Variants in REST observed in about 807,000 individuals in gnomAD.
REST encodes the protein RE1-silencing transcription factor.
REST carries 1 observed loss-of-function variant against 30.4 expected under a neutral mutation model. The ratio of observed to expected loss-of-function variants is 0.03; its 90% CI spans 0.01 to 0.16. REST has a LOEUF of 0.16. Ranked by LOEUF, REST falls within the 10% of genes least tolerant of loss-of-function variation. The probability of loss-of-function intolerance (pLI) is 1.00; values close to 1 mark genes in which losing one functional copy is unlikely to be tolerated. For synonymous variants in REST, 504 were observed against 451.1 expected (o/e 1.12, Z -1.49); for missense variants, 1,259 against 1,329.5 (o/e 0.95, Z 0.82).
Position 56,914,979 on chromosome 4 carries a change from C to G in REST, c.898+3443C>G, listed in dbSNP as rs559180967. 2.2e-3 allele frequency among the ~76,000 whole-genome samples: 282 copies of G among 131,078 alleles called. 2 individuals are homozygous for G. The highest frequency in any genetic ancestry group is 7.6e-3 in the African/African-American group (257 of 34,002). The allele number at this position is 131,078 out of a possible 152,430, so 86.0% of individuals were successfully genotyped here. ...TACTCTTGTCGCCCAGGGTGGAGTG[C>G]AATGGTGCAATCTCGGCTCACTGCA... On this transcript the variant is annotated intron_variant, in intron 2 of 3. Coordinates refer to ENST00000309042, the MANE Select transcript of REST (RefSeq NM_005612.5).
intron 3 of REST, among the ~76,000 whole-genome samples, chr4:56,921,249 AT>A (rs1720438682): frequency 6.6e-6 from 1 of 152,196 alleles, no homozygotes; most frequent in Non-Finnish European, 1.5e-5. Flanking sequence ...ACAAAAGCCT[AT>A]GTAGAACCAT....
intron 2 of REST, among the ~76,000 whole-genome samples, chr4:56,917,731 A>G (rs1404207808): frequency 1.3e-5 from 2 of 152,184 alleles, no homozygotes; most frequent in Non-Finnish European, 2.9e-5. Flanking sequence ...TGGAGACTAT[A>G]TTAAAACAAA....
rs767983452 is a variant in REST, at chr4:56,930,489, A to G, written c.1631A>G (p.Lys544Arg). ...VNDEESSTKK[K>R]KKVESKSKNN... ...GATGAGGAATCTTCAACAAAAAAGA[A>G]AAAGAAGGTAGAAAGCAAATCCAAA... Residue 544 changes from lysine to arginine, a missense_variant, in exon 4 of 4, where the codon AAA becomes AGA. Transcript: ENST00000309042. 6.2e-7 allele frequency: 1 copy of G among 1,612,210 alleles called. No homozygotes were observed.
intron 2 of REST, among the ~76,000 whole-genome samples, chr4:56,914,506 C>T (rs1720086688): frequency 6.6e-6 from 1 of 152,088 alleles, no homozygotes; most frequent in South Asian, 2.1e-4. Flanking sequence ...AAGTAAAGGT[C>T]AAGCATTACA....
intron 2 of REST, among the ~76,000 whole-genome samples, chr4:56,911,812 C>T (rs973288347): frequency 1.3e-5 from 2 of 152,184 alleles, no homozygotes; most frequent in Non-Finnish European, 2.9e-5. Context: ...CATATCCTAA[C>T]TTGGGGTTTA....
intron 2 of REST, among the ~76,000 whole-genome samples, chr4:56,914,280 T>TA (rs1720075528): frequency 1.3e-5 from 2 of 152,320 alleles, no homozygotes; most frequent in South Asian, 2.1e-4. Context: ...CCCAGATACT[T>TA]AAAACTATTA....
intron 2 of REST, among the ~76,000 whole-genome samples, chr4:56,915,886 C>T (rs1056944542): frequency 6.6e-6 from 1 of 152,182 alleles, no homozygotes; most frequent in Non-Finnish European, 1.5e-5. Context: ...CATGTTTACA[C>T]AGGGGAAAAC....
rs1164834053 is a variant in REST at position 56,911,368 on chromosome 4, A to G, written c.730A>G (p.Asn244Asp). Reference sequence around the variant, plus strand: ...GAAACACCACACCAGAGCTGGGGATAATGAGCGAGTCTACAAGTGTATCAT... The same window carrying G: ...GAAACACCACACCAGAGCTGGGGATGATGAGCGAGTCTACAAGTGTATCAT... ...HLKHHTRAGD[N>D]ERVYKCIICT... The change falls in exon 2 of 4, where the codon AAT (asparagine) becomes GAT (aspartate). Residue 244 changes from asparagine to aspartate, a missense_variant. Physicochemically the swap from Asn to Asp is conservative, Grantham distance 23. Around this residue, in one of 5 missense-constraint regions of REST, gnomAD observed 125 missense variants for 255.4 expected, o/e 0.49. Coordinates refer to ENST00000309042, the MANE Select transcript of REST (RefSeq NM_005612.5). The G allele has an allele frequency of 1.2e-6, 2 of 1,614,234 alleles. No homozygotes were observed. The highest frequency in any genetic ancestry group is 1.7e-6 in the Non-Finnish European group (2 of 1,180,042).
intron 2 of REST, among the ~76,000 whole-genome samples, chr4:56,912,754 C>T (rs987968140): frequency 2.0e-5 from 3 of 147,112 alleles, no homozygotes; most frequent in African/African-American, 5.0e-5. Flanking sequence ...CCTCGTGATC[C>T]GCCCACCTCA....
chr4:56,921,893 T>C (rs1448801827), intron 3 of REST, among the ~76,000 whole-genome samples: 1 of 152,236 alleles, frequency 6.6e-6, no homozygotes, highest in Non-Finnish European at 1.5e-5. Flanking sequence ...GTATGACTAC[T>C]AGAAAATTTA....
intron 2 of REST, among the ~76,000 whole-genome samples, chr4:56,916,845 T>C (rs1387036523): frequency 6.6e-6 from 1 of 152,194 alleles, no homozygotes; most frequent in Admixed American, 6.5e-5. Context: ...TTAAGTTTTG[T>C]GTGGACGTAT....
intron 3 of REST, among the ~76,000 whole-genome samples, chr4:56,924,700 C>T (rs1413999843): frequency 2.0e-5 from 3 of 151,676 alleles, no homozygotes; most frequent in Non-Finnish European, 4.4e-5. Context: ...TGGGCTCAAG[C>T]GATCCACTTG....
intron 1 of REST, among the ~76,000 whole-genome samples, chr4:56,910,421 A>G (rs752593375): frequency 2.6e-5 from 4 of 152,258 alleles, no homozygotes; most frequent in Admixed American, 6.5e-5. Flanking sequence ...TTATAGGGAT[A>G]GTAGAAATTT....
intron 2 of REST, among the ~76,000 whole-genome samples, chr4:56,912,549 C>G (rs1224682909): frequency 6.6e-6 from 1 of 150,906 alleles, no homozygotes; most frequent in African/African-American, 2.4e-5. Context: ...GAGTCTGGCT[C>G]TGTTGTCGAG....
At chr4:56,929,643 CTG>C (rs528578144) in intron 3 of REST, among the ~76,000 whole-genome samples, 196 bp from the exon 4 acceptor site, 3 of 152,192 alleles carry the variant, frequency 2.0e-5, no homozygotes, top group African/African-American at 4.8e-5. Flanking sequence ...TTGTGGTTAA[CTG>C]AGATTTATTC....
At chr4:56,915,627 T>C (rs1271387577) in intron 2 of REST, among the ~76,000 whole-genome samples, 3 of 152,174 alleles carry the variant, frequency 2.0e-5, no homozygotes, top group African/African-American at 7.2e-5. Context: ...AAAGTATCTC[T>C]GGTATTAAAT....
Position 56,932,120 on chromosome 4 carries a change from T to C in REST, c.3262T>C (p.Tyr1088His). The C allele has an allele frequency of 1.9e-6, 3 of 1,611,316 alleles. No individual in the cohort carries two copies. Among genetic ancestry groups the C allele is most frequent in the Non-Finnish European group, 2.5e-6 (3 of 1,177,926 alleles). Residue 1088 changes from tyrosine to histidine, a missense_variant, in exon 4 of 4, where the codon TAT (tyrosine) becomes CAT (histidine). Around this residue, in one of 5 missense-constraint regions of REST, gnomAD observed 25 missense variants for 33.2 expected, o/e 0.75. Coordinates refer to ENST00000309042, the MANE Select transcript of REST (RefSeq NM_005612.5). ...HLNRHLVNVYYLEEAAQGQE is the reference protein window; with the variant it reads ...HLNRHLVNVYHLEEAAQGQE ...CAATCGCCATTTGGTTAATGTGTAC[T>C]ATCTTGAAGAAGCAGCTCAAGGGCA...
chr4:56,931,587 C>G lies in REST; in HGVS notation c.2729C>G (p.Ala910Gly). 6.2e-7 allele frequency: 1 copy of G among 1,614,236 alleles called. No homozygotes were observed. Among genetic ancestry groups the G allele is most frequent in the Non-Finnish European group, 8.5e-7 (1 of 1,180,040 alleles). Reference sequence around the variant, plus strand: ...GCAGATGAGAGCCTACCTGGTCTTGCTGCTAATATCAACGAATCTACCCAT... The same window carrying G: ...GCAGATGAGAGCCTACCTGGTCTTGGTGCTAATATCAACGAATCTACCCAT... ...EEADESLPGL[A>G]ANINESTHIS... is the part of the protein sequence containing the mutation. The change falls in exon 4 of 4, where the codon GCT becomes GGT. Residue 910 changes from alanine to glycine, a missense_variant. By Grantham distance (60) the Ala-to-Gly change is moderately conservative. Transcript: ENST00000309042.
rs376737037 is a variant in REST, at chr4:56,910,989, C to T, written c.351C>T (p.Ser117=). Residue 117 remains serine, a synonymous_variant, in exon 2 of 4, where the codon AGC becomes AGT. Coordinates refer to ENST00000309042, the MANE Select transcript of REST (RefSeq NM_005612.5). The stretch of plus-strand genomic sequence containing the variant: ...TGGAACTGAGAAGTTTGGAACTCAG[C>T]GTCGTAGAACCTCAGCCTGTATTTG... ...ENMELRSLEL[S]VVEPQPVFEA... The T allele has an allele frequency of 7.4e-6, 12 of 1,614,034 alleles. No homozygotes were observed. The African/African-American group carries it at 1.5e-4, about 20-fold the overall frequency.
Sources: gnomAD v4.1 joint callset for allele counts (sites outside exome capture counted in the v4.1 genomes callset) on GRCh38, gnomAD v4.1.1 for gene constraint, gnomAD v4.1.1 regional missense constraint, MANE v1.5 for transcripts, NCBI Gene and HGNC (gene_info 2026-07-23, HGNC 2026-07-21) for gene names.